Variants in COL6A6 observed in about 807,000 individuals in gnomAD.
COL6A6 encodes collagen alpha-6(VI) chain.
A neutral mutation model predicts 208.6 loss-of-function variants in COL6A6; 183 were observed. The observed-to-expected ratio is 0.88, with a 90% CI of 0.78 to 0.99. The LOEUF is 0.99. Among genes scored for constraint, COL6A6 ranks in the 50% least tolerant of loss-of-function variants. The probability of loss-of-function intolerance (pLI) is 0.00; values close to 1 mark genes in which losing one functional copy is unlikely to be tolerated. For synonymous variants in COL6A6, 973 were observed against 1,011.8 expected (o/e 0.96, Z 0.73); for missense variants, 2,816 against 2,815.2 (o/e 1.00, Z -0.01).
chr3:130,589,206 G>A (rs1037219777), intron 12 of COL6A6, 24 bp downstream of exon 12: 3 of 1,539,478 alleles, frequency 1.9e-6, no homozygotes, highest in Non-Finnish European at 2.7e-6. Flanking sequence ...AGATTTATGG[G>A]TTACTTTGAG....
At chr3:130,635,789 C>T (rs1376406862) in intron 28 of COL6A6, 28 bp downstream of exon 28, 1 of 1,535,606 alleles carries the variant, frequency 6.5e-7, no homozygotes, top group Admixed American at 1.7e-5. Flanking sequence ...CAATTGCTGA[C>T]AACCTCACTA....
Position 130,567,195 on chromosome 3 carries a change from C to G in COL6A6, c.1776C>G (p.Tyr592Ter). The change falls in exon 5 of 37, where the codon TAC becomes TAG. Residue 592 changes from tyrosine to a stop codon, truncating the protein, a stop_gained. Transcript: ENST00000358511. LOFTEE classifies it high-confidence loss of function. ...CAGGAGAGGAAAAGAGAGTGTATTA[C>G]GTGCATGACTTTGATGCATTGAAAG... ...EIAGEEKRVY[Y>*]VHDFDALKDI... The G allele has an allele frequency of 1.2e-6, 2 of 1,613,348 alleles. No homozygotes were observed.
intron 1 of COL6A6, among the ~76,000 whole-genome samples, chr3:130,520,353 C>A (rs928343614): frequency 1.9e-4 from 29 of 152,158 alleles, no homozygotes; most frequent in African/African-American, 6.7e-4. Flanking sequence ...GACTAAAGGC[C>A]GACCTTTCTA....
At chr3:130,606,341 A>G (rs1354730663) in intron 20 of COL6A6, among the ~76,000 whole-genome samples, 5 of 152,180 alleles carry the variant, frequency 3.3e-5, no homozygotes, top group African/African-American at 1.2e-4. Flanking sequence ...ATTTTGATTG[A>G]ATATTAATAT....
chr3:130,673,220 A>AAAAAACAAAAC (rs1553724905), intron 36 of COL6A6, among the ~76,000 whole-genome samples: 1 of 129,624 alleles, frequency 7.7e-6, no homozygotes, highest in African/African-American at 2.9e-5. Context: ...AAAAAAACAA[A>AAAAAACAAAAC]AAAAAAAAAC....
At chr3:130,542,809 T>C (rs966745120) in intron 1 of COL6A6, among the ~76,000 whole-genome samples, 1 of 152,200 alleles carries the variant, frequency 6.6e-6, no homozygotes, top group African/African-American at 2.4e-5. Flanking sequence ...TTTCTTGCTC[T>C]GAAGTTTGAT....
chr3:130,538,093 G>A (rs2062267266), intron 1 of COL6A6, among the ~76,000 whole-genome samples: 1 of 152,216 alleles, frequency 6.6e-6, no homozygotes, highest in Admixed American at 6.5e-5. Context: ...TTTGCCTCAA[G>A]GAAAGCAATA....
At chr3:130,655,392 C>T (rs1478586276) in intron 33 of COL6A6, among the ~76,000 whole-genome samples, 1 of 152,194 alleles carries the variant, frequency 6.6e-6, no homozygotes, top group Non-Finnish European at 1.5e-5. Context: ...TTCTGCCTGA[C>T]CCAGTCAGAC....
intron 26 of COL6A6, among the ~76,000 whole-genome samples, chr3:130,634,238 T>TAAAAAAAA (rs1553713527): frequency 4.9e-4 from 8 of 16,196 alleles, no homozygotes; most frequent in East Asian, 2.0e-3. Context: ...AATAAATAAA[T>TAAAAAAAA]AAATAAAAAA....
chr3:130,594,765 G>T lies in COL6A6; in HGVS notation c.4533+422G>T, dbSNP rs72994338. On this transcript the variant is annotated intron_variant, in intron 18 of 36. Coordinates refer to ENST00000358511, the MANE Select transcript of COL6A6 (RefSeq NM_001102608.3). ...TCTGGGTAATTTATAGAGGAAAGAG[G>T]TTTAACTGACTCATAGTTCCACATG... Among the ~76,000 whole-genome samples, 167 of 152,250 alleles carry T rather than the reference G, an allele frequency of 1.1e-3. 1 individual carries two copies. The highest frequency in any genetic ancestry group is 3.7e-3 in the African/African-American group (155 of 41,564).
chr3:130,525,709 G>A (rs2061947830), intron 1 of COL6A6, among the ~76,000 whole-genome samples: 1 of 152,112 alleles, frequency 6.6e-6, no homozygotes, highest in Non-Finnish European at 1.5e-5. Context: ...CTCATTCAGT[G>A]CCATGCTCCC....
At chr3:130,606,686 G>A (rs2064191829) in intron 20 of COL6A6, among the ~76,000 whole-genome samples, 1 of 152,200 alleles carries the variant, frequency 6.6e-6, no homozygotes, top group East Asian at 1.9e-4. Flanking sequence ...AGTATCTGTA[G>A]ATTTCAATTG....
intron 25 of COL6A6, among the ~76,000 whole-genome samples, chr3:130,626,825 AG>A (rs1316420997): frequency 6.6e-6 from 1 of 152,078 alleles, no homozygotes; most frequent in Non-Finnish European, 1.5e-5. Flanking sequence ...CCCTTTTTCC[AG>A]CCTTTCCTTT....
intron 1 of COL6A6, among the ~76,000 whole-genome samples, chr3:130,528,791 TA>T (rs1357463965): frequency 6.6e-6 from 1 of 152,088 alleles, no homozygotes; most frequent in Non-Finnish European, 1.5e-5. Flanking sequence ...CTGATAGACT[TA>T]AAAAGCTCCC....
In COL6A6 at chr3:130,571,132, C is replaced by A; in HGVS notation, c.2716C>A (p.Arg906Ser). The change falls in exon 7 of 37, where the codon CGC (arginine) becomes AGC (serine). Residue 906 changes from arginine to serine, a missense_variant. By Grantham distance (110) the Arg-to-Ser change is moderately radical. Transcript: ENST00000358511. Reference protein sequence around the residue: ...DHMFTEARGSRLNKGVPQVLI... With the variant: ...DHMFTEARGSSLNKGVPQVLI... ...CATGTTCACTGAAGCCCGGGGCAGC[C>A]GCCTGAACAAGGGGGTCCCCCAAGT... 6.2e-7 allele frequency: 1 copy of A among 1,613,804 alleles called. No individual in the cohort carries two copies. Among genetic ancestry groups the A allele is most frequent in the Non-Finnish European group, 8.5e-7 (1 of 1,179,748 alleles).
chr3:130,634,192 T>C (rs2065028119), intron 26 of COL6A6, among the ~76,000 whole-genome samples: 1 of 44,172 alleles, frequency 2.3e-5, no homozygotes, highest in Non-Finnish European at 3.2e-5. Flanking sequence ...AATCTCAAGC[T>C]ATAAAATGTT....
Position 130,582,016 on chromosome 3 carries a change from GGAT to G in COL6A6, c.3926_3928del (p.Asp1309del), listed in dbSNP as rs1289074400. On this transcript the variant is annotated inframe_deletion, in exon 10 of 37. Transcript: ENST00000358511. Reference sequence around the variant, plus strand: ...TGGTCCTTTTATTTTCAGATGGATTGGATGATGATGTTGAGAAACTTGAACAAA... The same window carrying G: ...TGGTCCTTTTATTTTCAGATGGATTGGATGATGTTGAGAAACTTGAACAAA... The G allele has an allele frequency of 2.5e-6, 4 of 1,610,052 alleles. No individual in the cohort carries two copies. Among genetic ancestry groups the G allele is most frequent in the Non-Finnish European group, 3.4e-6 (4 of 1,177,606 alleles).
intron 1 of COL6A6, among the ~76,000 whole-genome samples, chr3:130,527,191 C>T (rs1052916491): frequency 6.6e-6 from 1 of 152,190 alleles, no homozygotes; most frequent in Non-Finnish European, 1.5e-5. Context: ...GAATGGCAGT[C>T]AAGAGTTATT....
chr3:130,568,750 T>A, intron 6 of COL6A6, 146 bp downstream of exon 6: 2 of 802,086 alleles, frequency 2.5e-6, no homozygotes, highest in Non-Finnish European at 3.8e-6. Flanking sequence ...CCTGTTGAAT[T>A]AAACAGACAG....
Sources: gnomAD v4.1 joint callset for allele counts (sites outside exome capture counted in the v4.1 genomes callset) on GRCh38, gnomAD v4.1.1 for gene constraint, MANE v1.5 for transcripts, NCBI Gene and HGNC (gene_info 2026-07-23, HGNC 2026-07-21) for gene names.